The following NPTX1 variants were observed in gnomAD, a reference collection of about 807,000 sequenced individuals.
The protein encoded by NPTX1 is neuronal pentraxin-1.
Under a neutral mutation model 38.7 loss-of-function variants are expected in NPTX1, and 12 were observed. The ratio of observed to expected loss-of-function variants is 0.31; its 90% confidence interval spans 0.20 to 0.50. The LOEUF (loss-of-function observed/expected upper bound fraction) is 0.50. NPTX1 is among the 20% of genes least tolerant of loss of function. The pLI, the probability that NPTX1 is intolerant of heterozygous loss-of-function variation, is 0.98. For missense variants in NPTX1, 454 were observed against 592.2 expected, an observed-to-expected ratio of 0.77 and a Z score of 2.42; for synonymous variants, 272 against 264.9, an observed-to-expected ratio of 1.03 and a Z score of -0.26.
rs758875457 is a variant in NPTX1, at chr17:80,475,763, G to A, written c.445-45C>T. The A allele has an allele frequency of 3.4e-6, 5 of 1,465,266 alleles. No individual in the cohort carries two copies. The South Asian group carries it at 4.7e-5, about 14-fold the overall frequency. The allele number at this position is 1,465,266 out of a possible 1,614,324, so 90.8% of individuals were successfully genotyped here. Reference sequence around the variant, plus strand: ...GGGAAACCACACCGTTAGGCGAGGCGCGGGGACCGTGCTGGAAGGCCCGCG... The same window carrying A: ...GGGAAACCACACCGTTAGGCGAGGCACGGGGACCGTGCTGGAAGGCCCGCG... On this transcript the variant is annotated intron_variant, in intron 1 of 4. Transcript: ENST00000306773. The surrounding 1 kb of genome is among the most constrained non-coding windows in gnomAD (Gnocchi z 6.5).
chr17:80,473,318 T>C lies in NPTX1; in HGVS notation c.779A>G (p.Lys260Arg). 3 of 1,614,076 alleles carry C rather than the reference T, an allele frequency of 1.9e-6. No individual in the cohort carries two copies. The highest frequency in any genetic ancestry group is 2.5e-6 in the Non-Finnish European group (3 of 1,180,022). The stretch of plus-strand genomic sequence containing the variant: ...GCCCACACCTGGCGTGGCGCTGGAC[T>C]TGAGCCACATGCAGACAGTGAAGGC... ...MYAFTVCMWL[K>R]SSATPGVGTP... is the part of the protein sequence containing the mutation. Residue 260 changes from lysine to arginine, a missense_variant, in exon 3 of 5, where the codon AAG (lysine) becomes AGG (arginine). Physicochemically the swap from Lys to Arg is conservative, Grantham distance 26. Around this residue, in one of 4 missense-constraint regions of NPTX1, gnomAD observed 110 missense variants for 197.5 expected, o/e 0.56. Transcript: ENST00000306773.
chr17:80,472,927 C>T (rs909398069), intron 3 of NPTX1, among the ~76,000 whole-genome samples: 1 of 152,198 alleles, frequency 6.6e-6, no homozygotes, highest in Admixed American at 6.5e-5. Flanking sequence ...TCGGGCAGGG[C>T]CAGGCCCCAT....
Position 80,470,730 on chromosome 17 carries a change from A to T in NPTX1, c.*83T>A. On this transcript the variant is annotated 3_prime_UTR_variant, in exon 5 of 5. Transcript: ENST00000306773. Reference sequence around the variant, plus strand: ...CGGCCTCGGTTCATTCCTGGGGAAAAGGGAGAGAAGAGACGCACAAAACAG... The same window carrying T: ...CGGCCTCGGTTCATTCCTGGGGAAATGGGAGAGAAGAGACGCACAAAACAG... The T allele has an allele frequency of 3.1e-6, 3 of 972,850 alleles. No individual in the cohort carries two copies. Among genetic ancestry groups the T allele is most frequent in the Admixed American group, 2.2e-5 (1 of 45,524 alleles). The allele number at this position is 972,850 out of a possible 1,614,324, so 60.3% of individuals were successfully genotyped here.
Position 80,476,533 on chromosome 17 carries a change from G to C in NPTX1, c.-87C>G. ...GACCCGGCTCGGGCTGTGGCTCCGCGAGCGGCCCGCGCTCTGGGCGCCGCG... is the reference window on the plus strand; with the variant it reads ...GACCCGGCTCGGGCTGTGGCTCCGCCAGCGGCCCGCGCTCTGGGCGCCGCG... On this transcript the variant is annotated 5_prime_UTR_variant, in exon 1 of 5. Transcript: ENST00000306773. This position sits in a 1 kb window ranked among gnomAD's most constrained non-coding sequence, Gnocchi z 6.3. 1.3e-6 allele frequency: 1 copy of C among 749,910 alleles called. No individual in the cohort carries two copies. Among genetic ancestry groups the C allele is most frequent in the Non-Finnish European group, 1.6e-6 (1 of 609,470 alleles). The allele number at this position is 749,910 out of a possible 1,614,324, so 46.5% of individuals were successfully genotyped here.
At chr17:80,471,129 C>T (rs756055260) in intron 4 of NPTX1, 95 bp from the exon 5 acceptor site, 23 of 939,932 alleles carry the variant, frequency 2.4e-5, no homozygotes, top group South Asian at 1.6e-4. Context: ...TGTGCCTGCC[C>T]GATCACGGAC....
At position 80,476,323 on chromosome 17, in the gene NPTX1, A is replaced by G; in HGVS notation, c.124T>C (p.Cys42Arg). 7.1e-6 allele frequency: 11 copies of G among 1,546,512 alleles called. No individual in the cohort carries two copies. The highest frequency in any genetic ancestry group is 9.5e-6 in the Non-Finnish European group (11 of 1,152,776). Residue 42 changes from cysteine to arginine, a missense_variant, in exon 1 of 5, where the codon TGC (cysteine) becomes CGC (arginine). Physicochemically the swap from Cys to Arg is radical, Grantham distance 180. Transcript: ENST00000306773. This position sits in a 1 kb window ranked among gnomAD's most constrained non-coding sequence, Gnocchi z 6.3. ...CTSVPVDADM[C>R]AASVAAGGAE... ...CCGCCGGCGGCCACGGACGCGGCGC[A>G]CATGTCGGCGTCCACGGGCACCGAG...
In NPTX1 at chr17:80,476,048, G is replaced by A. The variant is rs776082828; in HGVS notation, c.399C>T (p.Leu133=). ...RTPAAETLSQ[L]GQTLQSLKTR... Reference sequence around the variant, plus strand: ...TTTTGAGCGATTGCAAAGTTTGCCCGAGTTGGCTGAGCGTCTCGGCGGCCG... The same window carrying A: ...TTTTGAGCGATTGCAAAGTTTGCCCAAGTTGGCTGAGCGTCTCGGCGGCCG... The change falls in exon 1 of 5, where the codon CTC becomes CTT. Residue 133 remains leucine, a synonymous_variant. Transcript: ENST00000306773. The surrounding 1 kb of genome is among the most constrained non-coding windows in gnomAD (Gnocchi z 6.3). The A allele has an allele frequency of 5.6e-6, 9 of 1,608,922 alleles. No homozygotes were observed. In the African/African-American group the frequency reaches 1.1e-4, roughly 19 times the overall value.
chr17:80,472,824 A>G (rs981407229), intron 3 of NPTX1, among the ~76,000 whole-genome samples: 1 of 151,846 alleles, frequency 6.6e-6, no homozygotes, highest in Non-Finnish European at 1.5e-5. Context: ...ATCTCTAAGG[A>G]CCCCTCACCC....
In NPTX1 at chr17:80,476,537, G is replaced by T; in HGVS notation, c.-91C>A. On this transcript the variant is annotated 5_prime_UTR_variant, in exon 1 of 5. Coordinates refer to ENST00000306773, the MANE Select transcript of NPTX1 (RefSeq NM_002522.4). The surrounding 1 kb of genome is among the most constrained non-coding windows in gnomAD (Gnocchi z 6.3). ...CGGCTCGGGCTGTGGCTCCGCGAGC[G>T]GCCCGCGCTCTGGGCGCCGCGCTCT... 1 of 722,088 alleles carries T rather than the reference G, an allele frequency of 1.4e-6. No individual in the cohort carries two copies. The highest frequency in any genetic ancestry group is 1.7e-6 in the Non-Finnish European group (1 of 584,618). The allele number at this position is 722,088 out of a possible 1,614,324, so 44.7% of individuals were successfully genotyped here.
At position 80,475,465 on chromosome 17, in the gene NPTX1, GCA is replaced by G. The variant is rs2143050810; in HGVS notation, c.652+44_652+45del. 6.5e-7 allele frequency: 1 copy of G among 1,530,500 alleles called. No homozygotes were observed. The highest frequency in any genetic ancestry group is 8.9e-7 in the Non-Finnish European group (1 of 1,119,126). The allele number at this position is 1,530,500 out of a possible 1,614,324, so 94.8% of individuals were successfully genotyped here. The stretch of plus-strand genomic sequence containing the variant: ...GGGATCGGGACCGAGGCAGGGTCGG[GCA>G]AGCAGGTGCAGGCAGGCAGCACGGC... On this transcript the variant is annotated intron_variant, in intron 2 of 4. Coordinates refer to ENST00000306773, the MANE Select transcript of NPTX1 (RefSeq NM_002522.4). The surrounding 1 kb of genome is among the most constrained non-coding windows in gnomAD (Gnocchi z 6.5).
At position 80,476,483 on chromosome 17, in the gene NPTX1, TCGGCTGGGGCTCGGCTC is replaced by T. The variant is rs1265197842; in HGVS notation, c.-54_-38del. The T allele has an allele frequency of 3.0e-5, 34 of 1,144,930 alleles. No homozygotes were observed. Among genetic ancestry groups the T allele is most frequent in the Non-Finnish European group, 3.7e-5 (34 of 931,180 alleles). 70.9% of individuals were successfully genotyped at this position (1,144,930 alleles called of 1,614,324 possible). ...CCGGGCGCTCCGGGCCCGGCTCGGCTCGGCTGGGGCTCGGCTCCGGCTGGGACCCGGCTCGGGCTGTG... is the reference window on the plus strand; with the variant it reads ...CCGGGCGCTCCGGGCCCGGCTCGGCTCGGCTGGGACCCGGCTCGGGCTGTG... On this transcript the variant is annotated 5_prime_UTR_variant, in exon 1 of 5. Transcript: ENST00000306773. The surrounding 1 kb of genome is among the most constrained non-coding windows in gnomAD (Gnocchi z 6.3).
chr17:80,470,778 G>A lies in NPTX1; in HGVS notation c.*35C>T, dbSNP rs1479064124. On this transcript the variant is annotated 3_prime_UTR_variant, in exon 5 of 5. Transcript: ENST00000306773. The stretch of plus-strand genomic sequence containing the variant: ...CAGATCATCGCCGCACAAGCAGGGG[G>A]CGAGGGCGGGCGGGCTCAGCCTGGC... The A allele has an allele frequency of 7.1e-7, 1 of 1,404,936 alleles. No homozygotes were observed. Among genetic ancestry groups the A allele is most frequent in the Non-Finnish European group, 9.9e-7 (1 of 1,011,776 alleles). The allele number at this position is 1,404,936 out of a possible 1,614,324, so 87.0% of individuals were successfully genotyped here.
In NPTX1 at chr17:80,470,701, G is replaced by T; in HGVS notation, c.*112C>A. 1 of 751,078 alleles carries T rather than the reference G, an allele frequency of 1.3e-6. No individual in the cohort carries two copies. Among genetic ancestry groups the T allele is most frequent in the South Asian group, 1.8e-5 (1 of 56,716 alleles). The allele number at this position is 751,078 out of a possible 1,614,324, so 46.5% of individuals were successfully genotyped here. A position where few individuals can be genotyped will look rare whatever the true frequency, so the allele number is the denominator to read the frequency against. On this transcript the variant is annotated 3_prime_UTR_variant, in exon 5 of 5. Transcript: ENST00000306773. ...GCTGTGTGCGTGTGCGTGTGCAGGG[G>T]CGACGGCCTCGGTTCATTCCTGGGG...
chr17:80,473,129 C>T, intron 3 of NPTX1, 71 bp downstream of exon 3: 1 of 1,558,966 alleles, frequency 6.4e-7, no homozygotes, highest in East Asian at 2.3e-5. Context: ...ATAGCCCTGT[C>T]TCCGCATGCA....
Position 80,476,556 on chromosome 17 carries a change from G to T in NPTX1, c.-110C>A. 2.1e-6 allele frequency: 1 copy of T among 466,198 alleles called. No homozygotes were observed. The highest frequency in any genetic ancestry group is 2.8e-6 in the Non-Finnish European group (1 of 353,482). 28.9% of individuals were successfully genotyped at this position (466,198 alleles called of 1,614,324 possible). On this transcript the variant is annotated 5_prime_UTR_variant, in exon 1 of 5. Transcript: ENST00000306773. The surrounding 1 kb of genome is among the most constrained non-coding windows in gnomAD (Gnocchi z 6.3). ...GCGAGCGGCCCGCGCTCTGGGCGCC[G>T]CGCTCTTCGGCCGCGCGGTCCACAC...
At position 80,470,543 on chromosome 17, in the gene NPTX1, C is replaced by G. The variant is rs2083834848; in HGVS notation, c.*270G>C. On this transcript the variant is annotated 3_prime_UTR_variant, in exon 5 of 5. Coordinates refer to ENST00000306773, the MANE Select transcript of NPTX1 (RefSeq NM_002522.4). ...TCCTCTCACCAACTTCTGCCTTGTTCAAGACGTTGCAGCACCCACTTCAGC... is the reference window on the plus strand; with the variant it reads ...TCCTCTCACCAACTTCTGCCTTGTTGAAGACGTTGCAGCACCCACTTCAGC... 2.8e-6 allele frequency: 1 copy of G among 353,888 alleles called. No homozygotes were observed. The highest frequency in any genetic ancestry group is 5.2e-6 in the Non-Finnish European group (1 of 190,506). 21.9% of individuals were successfully genotyped at this position (353,888 alleles called of 1,614,324 possible). A position where few individuals can be genotyped will look rare whatever the true frequency, so the allele number is the denominator to read the frequency against.
In NPTX1 at chr17:80,476,497, G is replaced by T; in HGVS notation, c.-51C>A. ...CCCGGCTCGGCTCGGCTGGGGCTCG[G>T]CTCCGGCTGGGACCCGGCTCGGGCT... On this transcript the variant is annotated 5_prime_UTR_variant, in exon 1 of 5. Coordinates refer to ENST00000306773, the MANE Select transcript of NPTX1 (RefSeq NM_002522.4). This position sits in a 1 kb window ranked among gnomAD's most constrained non-coding sequence, Gnocchi z 6.3. 9.4e-7 allele frequency: 1 copy of T among 1,068,238 alleles called. No individual in the cohort carries two copies. The highest frequency in any genetic ancestry group is 1.1e-6 in the Non-Finnish European group (1 of 872,498). The allele number at this position is 1,068,238 out of a possible 1,614,324, so 66.2% of individuals were successfully genotyped here.
rs921513438 is a variant in NPTX1 at position 80,475,926 on chromosome 17, G to A, written c.444+77C>T. 3 of 1,265,366 alleles carry A rather than the reference G, an allele frequency of 2.4e-6. No individual in the cohort carries two copies. Among genetic ancestry groups the A allele is most frequent in the Non-Finnish European group, 2.2e-6 (2 of 910,704 alleles). 78.4% of individuals were successfully genotyped at this position (1,265,366 alleles called of 1,614,324 possible). A position where few individuals can be genotyped will look rare whatever the true frequency, so the allele number is the denominator to read the frequency against. ...AGGCGAGGGCGGGGGATGCCTGGCC[G>A]GGTAGGGAACGGGGTGGGGGAGGGC... On this transcript the variant is annotated intron_variant, in intron 1 of 4. Coordinates refer to ENST00000306773, the MANE Select transcript of NPTX1 (RefSeq NM_002522.4). The surrounding 1 kb of genome is among the most constrained non-coding windows in gnomAD (Gnocchi z 6.5).
rs371475961 is a variant in NPTX1 at position 80,473,393 on chromosome 17, C to T, written c.704G>A (p.Arg235Gln). The change falls in exon 3 of 5, where the codon CGG becomes CAG. Residue 235 changes from arginine (R) to glutamine (Q), a missense_variant. Coordinates refer to ENST00000306773, the MANE Select transcript of NPTX1 (RefSeq NM_002522.4). ...CACCTTGGCATACATATAGTTGGTC[C>T]GCAGTGGGAATGTGAGCTGGAACTT... ...GDKFQLTFPL[R>Q]TNYMYAKVKK... 3.7e-6 allele frequency: 6 copies of T among 1,613,882 alleles called. No homozygotes were observed. The highest frequency in any genetic ancestry group is 5.1e-6 in the Non-Finnish European group (6 of 1,179,962).
Sources: allele counts gnomAD v4.1 joint callset (sites outside exome capture counted in the v4.1 genomes callset), GRCh38; gene constraint gnomAD v4.1.1; regional missense constraint gnomAD v4.1.1; non-coding constraint Gnocchi (gnomAD v3.1); transcripts MANE v1.5; gene names NCBI Gene and HGNC (gene_info 2026-07-23, HGNC 2026-07-21).